The following PRKN variants were observed in gnomAD, a reference collection of about 807,000 sequenced individuals.
PRKN encodes the protein E3 ubiquitin-protein ligase parkin.
A neutral mutation model predicts 59.5 loss-of-function variants in PRKN; 56 were observed. The ratio of observed to expected loss-of-function variants is 0.94; its 90% CI spans 0.76 to 1.18. The LOEUF (loss-of-function observed/expected upper bound fraction) is 1.18. Ranked by LOEUF, PRKN falls within the 50% of genes most tolerant of loss-of-function variation. PRKN has a pLI of 0.00. For synonymous variants in PRKN, 250 were observed against 222.1 expected (o/e 1.13, Z -1.12); for missense variants, 657 against 596.4 (o/e 1.10, Z -1.06).
chr6:162,088,590 A>G (rs896122173), intron 4 of PRKN, among the ~76,000 whole-genome samples: 1 of 152,204 alleles, frequency 6.6e-6, no homozygotes, highest in Non-Finnish European at 1.5e-5. Flanking sequence ...CTGGTAAAAG[A>G]TAAGATTATA....
rs569529639 is a variant in PRKN at position 161,678,286 on chromosome 6, T to C, written c.871+107486A>G. ...GCCCATAAGATCCTGGCTCTAATTC[T>C]GGCTTTACCATTCCTAGCTGTATGA... On this transcript the variant is annotated intron_variant, in intron 7 of 11. Coordinates refer to ENST00000366898, the MANE Select transcript of PRKN (RefSeq NM_004562.3). Among the ~76,000 whole-genome samples, 10 of 140,246 alleles carry C rather than the reference T, an allele frequency of 7.1e-5. No individual in the cohort carries two copies. The South Asian group carries it at 2.2e-3, about 30-fold the overall frequency. The allele number at this position is 140,246 out of a possible 152,430, so 92.0% of individuals were successfully genotyped here. A position where few individuals can be genotyped will look rare whatever the true frequency, so the allele number is the denominator to read the frequency against.
intron 1 of PRKN, among the ~76,000 whole-genome samples, chr6:162,652,628 C>G (rs1048851668): frequency 1.1e-4 from 17 of 151,728 alleles, no homozygotes; most frequent in African/African-American, 4.1e-4. Flanking sequence ...TGGTTTCTAC[C>G]CATGCCACTC....
At chr6:161,955,455 A>G (rs1421495359) in intron 6 of PRKN, among the ~76,000 whole-genome samples, 1 of 152,246 alleles carries the variant, frequency 6.6e-6, no homozygotes, top group Non-Finnish European at 1.5e-5. Flanking sequence ...TTACATTATC[A>G]TAATTATATT....
chr6:161,753,308 T>C (rs940227200), intron 7 of PRKN, among the ~76,000 whole-genome samples: 1 of 151,630 alleles, frequency 6.6e-6, no homozygotes, highest in Non-Finnish European at 1.5e-5. Context: ...AGAGAGGGCA[T>C]GGAGATCTGG....
intron 9 of PRKN, among the ~76,000 whole-genome samples, chr6:161,439,640 C>T (rs141182544): frequency 2.4e-3 from 362 of 152,328 alleles, no homozygotes; most frequent in African/African-American, 8.1e-3. Flanking sequence ...TCCATCTACA[C>T]TGAACTAAAC....
intron 1 of PRKN, among the ~76,000 whole-genome samples, chr6:162,453,917 T>C (rs1015289984): frequency 6.6e-6 from 1 of 151,146 alleles, no homozygotes; most frequent in Admixed American, 6.6e-5. Flanking sequence ...AAAAAAACGA[T>C]GAGAAAGTGG....
chr6:161,744,557 G>A (rs1468427416), intron 7 of PRKN, among the ~76,000 whole-genome samples: 1 of 152,148 alleles, frequency 6.6e-6, no homozygotes, highest in Non-Finnish European at 1.5e-5. Context: ...CTATATTAAT[G>A]AATTAGGAAT....
rs554367807 is a variant in PRKN, at chr6:162,326,877, G to A, written c.172-64112C>T. ...GACAATGAATATCATCCTAAGTAAA[G>A]AGAGGAGTTATGGTTTAAAATCATG... is the stretch of plus-strand genomic sequence containing the variant. On this transcript the variant is annotated intron_variant, in intron 2 of 11. Transcript: ENST00000366898. Among the ~76,000 whole-genome samples, 67 of 152,278 alleles carry A rather than the reference G, an allele frequency of 4.4e-4. 1 individual carries two copies. The highest frequency in any genetic ancestry group is 1.5e-3 in the African/African-American group (64 of 41,564).
At position 161,575,669 on chromosome 6, in the gene PRKN, G is replaced by T. The variant is rs182670049; in HGVS notation, c.872-6253C>A. On this transcript the variant is annotated intron_variant, in intron 7 of 11. Transcript: ENST00000366898. This position sits in a 1 kb window ranked among gnomAD's most constrained non-coding sequence, Gnocchi z 4.6. ...GAGCACCCAGGCTTGGGATAGAAAT[G>T]GAAATGGATTTCAGCTCTCTGATGT... Among the ~76,000 whole-genome samples the T allele has an allele frequency of 2.6e-3, 398 of 152,292 alleles. 2 individuals are homozygous for T. The highest frequency in any genetic ancestry group is 6.8e-3 in the Middle Eastern group (2 of 294).
chr6:162,403,593 C>T (rs1430359801), intron 2 of PRKN, among the ~76,000 whole-genome samples: 2 of 152,082 alleles, frequency 1.3e-5, no homozygotes, highest in Middle Eastern at 3.2e-3. Context: ...AGCTGTAACC[C>T]CCACACCTAA....
chr6:162,317,805 G>T (rs1007491519), intron 2 of PRKN, among the ~76,000 whole-genome samples: 5 of 151,986 alleles, frequency 3.3e-5, no homozygotes, highest in African/African-American at 1.2e-4. Flanking sequence ...GTATATCCTG[G>T]GAAGGACAGA....
At chr6:162,216,515 C>T (rs1397553475) in intron 3 of PRKN, among the ~76,000 whole-genome samples, 3 of 119,878 alleles carry the variant, frequency 2.5e-5, no homozygotes, top group South Asian at 2.7e-4. Flanking sequence ...CCGGCCTGGG[C>T]GACAGAGCGA....
intron 9 of PRKN, among the ~76,000 whole-genome samples, chr6:161,437,753 A>ACAT (rs1788994652): frequency 6.6e-6 from 1 of 152,198 alleles, no homozygotes; most frequent in Non-Finnish European, 1.5e-5. Context: ...CAAAGTAGTA[A>ACAT]CATTAGTGTA....
intron 4 of PRKN, among the ~76,000 whole-genome samples, chr6:162,154,572 C>T (rs1446099627): frequency 6.6e-6 from 1 of 151,312 alleles, no homozygotes; most frequent in Non-Finnish European, 1.5e-5. Context: ...GTTTAAATGG[C>T]ACTTGCCCAG....
chr6:162,553,176 G>A (rs563043029), intron 1 of PRKN, among the ~76,000 whole-genome samples: 43 of 152,248 alleles, frequency 2.8e-4, no homozygotes, highest in African/African-American at 1.0e-3. Context: ...AAAGGAGAGA[G>A]GGGACCAGCC....
chr6:161,759,213 C>A (rs1789086132), intron 7 of PRKN, among the ~76,000 whole-genome samples: 1 of 151,840 alleles, frequency 6.6e-6, no homozygotes, highest in Non-Finnish European at 1.5e-5. Context: ...GATAATCTCT[C>A]ATTTCAAAGA....
At chr6:162,686,895 A>C (rs2128234147) in intron 1 of PRKN, among the ~76,000 whole-genome samples, 1 of 152,210 alleles carries the variant, frequency 6.6e-6, no homozygotes, top group Middle Eastern at 3.4e-3. Context: ...TTATACAAGT[A>C]CCCTGTTGTT....
rs1193633052 is a variant in PRKN, at chr6:161,348,450, A to G, written c.*1649T>C. On this transcript the variant is annotated 3_prime_UTR_variant, in exon 12 of 12. Transcript: ENST00000366898. The surrounding 1 kb of genome is among the most constrained non-coding windows in gnomAD (Gnocchi z 4.9). The stretch of plus-strand genomic sequence containing the variant: ...GTAGATTTTCAGACAGTGAAGCCAC[A>G]TGAAGCTGTGAATGCTGATGTGGCT... 9.0e-6 allele frequency: 2 copies of G among 222,890 alleles called. No individual in the cohort carries two copies. Among genetic ancestry groups the G allele is most frequent in the Admixed American group, 5.8e-5 (1 of 17,364 alleles). 13.8% of individuals were successfully genotyped at this position (222,890 alleles called of 1,614,324 possible). A position where few individuals can be genotyped will look rare whatever the true frequency, so the allele number is the denominator to read the frequency against.
intron 1 of PRKN, among the ~76,000 whole-genome samples, chr6:162,659,531 T>A (rs770919581): frequency 1.3e-5 from 2 of 152,180 alleles, no homozygotes. Context: ...GTCTGGGACA[T>A]TTTGATCATA....
Sources: gnomAD v4.1 joint callset for allele counts (sites outside exome capture counted in the v4.1 genomes callset) on GRCh38, gnomAD v4.1.1 for gene constraint, Gnocchi (gnomAD v3.1) non-coding constraint, MANE v1.5 for transcripts, NCBI Gene and HGNC (gene_info 2026-07-23, HGNC 2026-07-21) for gene names.